KHDRBS2: variants seen among roughly 807,000 people sequenced by gnomAD.
KHDRBS2 encodes KH domain-containing, RNA-binding, signal transduction-associated protein 2.
Under a neutral mutation model 44.3 loss-of-function variants are expected in KHDRBS2, and 26 were observed. The observed-to-expected ratio is 0.59, with a 90% CI of 0.43 to 0.81. The LOEUF (loss-of-function observed/expected upper bound fraction) is 0.81. Among genes scored for constraint, KHDRBS2 ranks in the 40% least tolerant of loss-of-function variants. The pLI is 0.00. For synonymous variants in KHDRBS2, 194 were observed against 151.1 expected, an observed-to-expected ratio of 1.28 and a Z score of -2.08; for missense variants, 476 against 433.1, an observed-to-expected ratio of 1.10 and a Z score of -0.88.
chr6:62,164,571 A>C (rs1818291822), intron 2 of KHDRBS2, among the ~76,000 whole-genome samples: 1 of 151,928 alleles, frequency 6.6e-6, no homozygotes, highest in Non-Finnish European at 1.5e-5. Flanking sequence ...ACATTTATTT[A>C]TATGTAAATG....
chr6:62,272,952 C>T (rs1164923225), intron 1 of KHDRBS2, among the ~76,000 whole-genome samples: 1 of 152,048 alleles, frequency 6.6e-6, no homozygotes, highest in Non-Finnish European at 1.5e-5. Context: ...CAATATGCAG[C>T]TGTCATTACC....
chr6:62,106,439 C>T (rs184868249), intron 2 of KHDRBS2, among the ~76,000 whole-genome samples: 2 of 152,178 alleles, frequency 1.3e-5, no homozygotes, highest in African/African-American at 2.4e-5. Flanking sequence ...TCACTCAGGA[C>T]TTCTGTTATG....
At position 62,177,306 on chromosome 6, in the gene KHDRBS2, T is replaced by G; in HGVS notation, c.98A>C (p.Glu33Ala). The change falls in exon 2 of 9, where the codon GAA becomes GCA. Residue 33 changes from glutamate to alanine, a missense_variant. Glu to Ala is a moderately radical substitution (Grantham distance 107). Coordinates refer to ENST00000281156, the MANE Select transcript of KHDRBS2 (RefSeq NM_152688.4). ...HASRLLAEEI[E>A]KFQGSDGKKE... is the part of the protein sequence containing the mutation. Reference sequence around the variant, plus strand: ...TTTTCCATCAGAACCTTGAAACTTTTCAATTTCTGGAAGAAAATCACAAGA... The same window carrying G: ...TTTTCCATCAGAACCTTGAAACTTTGCAATTTCTGGAAGAAAATCACAAGA... 6.3e-7 allele frequency: 1 copy of G among 1,590,894 alleles called. No individual in the cohort carries two copies. The highest frequency in any genetic ancestry group is 8.6e-7 in the Non-Finnish European group (1 of 1,165,626).
intron 1 of KHDRBS2, among the ~76,000 whole-genome samples, chr6:62,195,978 A>T (rs1010068620): frequency 6.6e-6 from 1 of 152,182 alleles, no homozygotes; most frequent in Non-Finnish European, 1.5e-5. Flanking sequence ...TTCTAAAAAT[A>T]TTAAAACAGA....
At chr6:62,179,321 T>C (rs1821783650) in intron 1 of KHDRBS2, among the ~76,000 whole-genome samples, 1 of 151,716 alleles carries the variant, frequency 6.6e-6, no homozygotes, top group Admixed American at 6.6e-5. Flanking sequence ...ATAAGTTATA[T>C]GTCTATAATT....
chr6:61,937,888 G>A (rs1811333089), intron 4 of KHDRBS2, among the ~76,000 whole-genome samples: 1 of 151,940 alleles, frequency 6.6e-6, no homozygotes, highest in East Asian at 1.9e-4. Flanking sequence ...CTTAATTTCT[G>A]GCACGTGAAG....
chr6:61,945,119 A>ATGTG (rs1562490620), intron 4 of KHDRBS2, among the ~76,000 whole-genome samples: 1 of 65,416 alleles, frequency 1.5e-5, no homozygotes, highest in East Asian at 5.7e-4. Flanking sequence ...AAAAGTATAT[A>ATGTG]TATATATATA....
intron 2 of KHDRBS2, among the ~76,000 whole-genome samples, chr6:62,053,408 A>C (rs1361810253): frequency 5.3e-5 from 8 of 151,966 alleles, no homozygotes; most frequent in Non-Finnish European, 1.5e-5. Context: ...ATCATAGCTA[A>C]GTCCTGTTGT....
intron 6 of KHDRBS2, among the ~76,000 whole-genome samples, chr6:61,738,125 T>A (rs955541441): frequency 6.6e-5 from 10 of 152,056 alleles, no homozygotes; most frequent in African/African-American, 2.2e-4. Flanking sequence ...TCTTATCATG[T>A]CCTGGCTTAT....
At chr6:61,581,228 C>T in the KHDRBS2 span, among the ~76,000 whole-genome samples, 3 of 152,082 alleles carry the variant, frequency 2.0e-5, no homozygotes, top group Non-Finnish European at 4.4e-5. Flanking sequence ...ATGTGCATGG[C>T]CATGCACAAT....
chr6:61,693,651 T>A (rs1176342452), intron 8 of KHDRBS2, among the ~76,000 whole-genome samples: 2 of 152,202 alleles, frequency 1.3e-5, no homozygotes, highest in Non-Finnish European at 2.9e-5. Flanking sequence ...TACTTTATTA[T>A]GAAGAATTTA....
intron 1 of KHDRBS2, among the ~76,000 whole-genome samples, chr6:62,224,817 C>T (rs1212753333): frequency 1.3e-5 from 2 of 152,168 alleles, no homozygotes; most frequent in Non-Finnish European, 2.9e-5. Context: ...CTGAGTCATA[C>T]TACCATAGAA....
chr6:61,973,151 A>G (rs948995995), intron 4 of KHDRBS2, among the ~76,000 whole-genome samples: 1 of 152,196 alleles, frequency 6.6e-6, no homozygotes. Context: ...AAAATAAAAA[A>G]TAGACTGATC....
chr6:61,817,057 T>C (rs1299071418), intron 6 of KHDRBS2: 3 of 412,594 alleles, frequency 7.3e-6, no homozygotes, highest in Admixed American at 5.5e-5. Flanking sequence ...TTGTGGATAA[T>C]ATTCAGGTTT....
intron 2 of KHDRBS2, among the ~76,000 whole-genome samples, chr6:62,066,928 C>G (rs73758646): frequency 7.5e-4 from 114 of 151,598 alleles, no homozygotes; most frequent in African/African-American, 2.7e-3. Flanking sequence ...ACAGATAGTT[C>G]TAACCATTAT....
intron 3 of KHDRBS2, among the ~76,000 whole-genome samples, chr6:62,010,669 G>T (rs1231669960): frequency 6.6e-6 from 1 of 152,064 alleles, no homozygotes; most frequent in Non-Finnish European, 1.5e-5. Context: ...GGGTCTGATG[G>T]TTTTAAAAAT....
At chr6:61,752,340 T>C (rs1322102052) in intron 6 of KHDRBS2, among the ~76,000 whole-genome samples, 1 of 152,142 alleles carries the variant, frequency 6.6e-6, no homozygotes, top group Non-Finnish European at 1.5e-5. Context: ...TCACAGAGTT[T>C]AGCAACATGC....
At chr6:61,784,263 T>C (rs1256264920) in intron 6 of KHDRBS2, among the ~76,000 whole-genome samples, 5 of 151,908 alleles carry the variant, frequency 3.3e-5, no homozygotes, top group East Asian at 1.9e-4. Context: ...ATTAAGCATA[T>C]GAAAAGTATT....
At chr6:61,879,914 T>G (rs1799970023) in intron 6 of KHDRBS2, among the ~76,000 whole-genome samples, 1 of 151,854 alleles carries the variant, frequency 6.6e-6, no homozygotes, top group Non-Finnish European at 1.5e-5. Context: ...AATGTTAGCC[T>G]TTAGGTAACA....
Sources: gnomAD v4.1 joint callset for allele counts (sites outside exome capture counted in the v4.1 genomes callset) on GRCh38, gnomAD v4.1.1 for gene constraint, MANE v1.5 for transcripts, NCBI Gene and HGNC (gene_info 2026-07-23, HGNC 2026-07-21) for gene names.